Variants in MFSD11 observed in about 807,000 individuals in gnomAD.
MFSD11 encodes UNC93-like protein MFSD11.
In MFSD11, 36 loss-of-function variants were observed where a neutral mutation model predicts 53.5. The ratio of observed to expected loss-of-function variants is 0.67; its 90% CI spans 0.52 to 0.89. The LOEUF (loss-of-function observed/expected upper bound fraction) is 0.89. Among genes scored for constraint, MFSD11 ranks in the 40% least tolerant of loss-of-function variants. The pLI, the probability that MFSD11 is intolerant of heterozygous loss-of-function variation, is 0.00. For synonymous variants in MFSD11, 186 were observed against 184.9 expected (o/e 1.01, Z -0.05); for missense variants, 530 against 543.9 (o/e 0.97, Z 0.25).
At position 76,750,179 on chromosome 17, in the gene MFSD11, A is replaced by C. The variant is rs369036171; in HGVS notation, c.642-3868A>C. On this transcript the variant is annotated intron_variant, in intron 7 of 12. Coordinates refer to ENST00000685175, the MANE Select transcript of MFSD11 (RefSeq NM_001242532.5). ...TTTAGTCGTCTGTAGAGTATAAATCAGTTAATTGGGGCCTGAAGGGTAAAA... is the reference window on the plus strand; with the variant it reads ...TTTAGTCGTCTGTAGAGTATAAATCCGTTAATTGGGGCCTGAAGGGTAAAA... 3.4e-4 allele frequency among the ~76,000 whole-genome samples: 52 copies of C among 152,186 alleles called. No homozygotes were observed. In the South Asian group the frequency reaches 0.011, roughly 31 times the overall value.
At chr17:76,743,279 T>C (rs2078260315) in intron 5 of MFSD11, 119 bp from the exon 6 acceptor site, 2 of 673,842 alleles carry the variant, frequency 3.0e-6, no homozygotes, top group Non-Finnish European at 2.4e-6. Flanking sequence ...GTAGATACTT[T>C]AAAAATGATG....
chr17:76,783,425 C>G (rs368708772), downstream of MFSD11, among the ~76,000 whole-genome samples: 4 of 152,282 alleles, frequency 2.6e-5, no homozygotes, highest in South Asian at 6.2e-4. Context: ...CTCCCCTCCC[C>G]TCCCGAGTTT....
At chr17:76,803,554 C>T in the MFSD11 span, among the ~76,000 whole-genome samples, 2 of 152,094 alleles carry the variant, frequency 1.3e-5, no homozygotes, top group East Asian at 1.9e-4. Flanking sequence ...ACCCTGCACT[C>T]GATGGATCAT....
chr17:76,750,683 G>A (rs1364007445), intron 7 of MFSD11, among the ~76,000 whole-genome samples: 1 of 151,672 alleles, frequency 6.6e-6, no homozygotes, highest in African/African-American at 2.4e-5. Context: ...TAACTTAATT[G>A]GATCACCATT....
intron 7 of MFSD11, among the ~76,000 whole-genome samples, chr17:76,747,470 G>T (rs2144269219): frequency 6.6e-6 from 1 of 152,208 alleles, no homozygotes; most frequent in Middle Eastern, 3.4e-3. Flanking sequence ...GAGTAGCTGG[G>T]ACTACAGGCA....
chr17:76,762,840 A>C (rs1032341079), intron 8 of MFSD11, among the ~76,000 whole-genome samples: 4 of 152,114 alleles, frequency 2.6e-5, no homozygotes, highest in Non-Finnish European at 4.4e-5. Flanking sequence ...CCACAAGAGT[A>C]AACAAGCTAT....
chr17:76,753,660 C>T (rs1215288243), intron 7 of MFSD11, among the ~76,000 whole-genome samples: 2 of 145,562 alleles, frequency 1.4e-5, no homozygotes, highest in Non-Finnish European at 3.0e-5. Context: ...AGCACTCCAG[C>T]CTGGGAGGTG....
upstream of MFSD11, chr17:76,738,073 C>T (rs1324196399): frequency 4.5e-6 from 2 of 446,058 alleles, no homozygotes; most frequent in Non-Finnish European, 7.9e-6. Context: ...CCTTCGTGGG[C>T]CCCTCAACCT....
At chr17:76,752,397 ATTTTTTTT>A (rs201402482) in intron 7 of MFSD11, among the ~76,000 whole-genome samples, 2 of 138,542 alleles carry the variant, frequency 1.4e-5, no homozygotes, top group South Asian at 4.7e-4. Flanking sequence ...AAAGTCAGGG[ATTTTTTTT>A]TTTTTTTTTG....
At chr17:76,769,693 T>A (rs2081211909) in intron 9 of MFSD11, 53 bp from the exon 10 acceptor site, 2 of 1,465,358 alleles carry the variant, frequency 1.4e-6, no homozygotes, top group Non-Finnish European at 9.3e-7. Flanking sequence ...GATGGGAAGA[T>A]AAACAAAAAT....
the MFSD11 span, among the ~76,000 whole-genome samples, chr17:76,798,825 C>G: frequency 1.3e-5 from 2 of 151,660 alleles, no homozygotes; most frequent in Middle Eastern, 3.4e-3. Context: ...GTCAGGAGTT[C>G]GAGACCAGCC....
chr17:76,744,907 A>C (rs2078404187), intron 7 of MFSD11, among the ~76,000 whole-genome samples: 4 of 152,198 alleles, frequency 2.6e-5, no homozygotes, highest in Admixed American at 2.0e-4. Flanking sequence ...GTCACAGATG[A>C]ACCTTGGTTA....
chr17:76,736,670 G>A (rs2077507432), upstream of MFSD11: 2 of 1,220,712 alleles, frequency 1.6e-6, no homozygotes, highest in Non-Finnish European at 2.1e-6. Context: ...CCGGAGGGTC[G>A]CGAGACGCGG....
chr17:76,779,659 A>G (rs988082531), downstream of MFSD11, among the ~76,000 whole-genome samples: 1 of 151,896 alleles, frequency 6.6e-6, no homozygotes, highest in African/African-American at 2.4e-5. Flanking sequence ...TAATTTTTGT[A>G]TTTTTAGTAG....
At chr17:76,766,881 T>C (rs2080897917) in intron 8 of MFSD11, 1 of 152,942 alleles carries the variant, frequency 6.5e-6, no homozygotes, top group Admixed American at 6.5e-5. Flanking sequence ...TAGAAACAAA[T>C]ATGCACAATG....
At chr17:76,788,987 T>G in the MFSD11 span, among the ~76,000 whole-genome samples, 1 of 148,096 alleles carries the variant, frequency 6.8e-6, no homozygotes, top group Non-Finnish European at 1.5e-5. Flanking sequence ...ACTAAAAATA[T>G]AAAAATTAGC....
intron 3 of MFSD11, among the ~76,000 whole-genome samples, chr17:76,741,441 C>CT (rs1036227387): frequency 6.6e-6 from 1 of 152,114 alleles, no homozygotes; most frequent in African/African-American, 2.4e-5. Flanking sequence ...GCAAAGAACA[C>CT]TGCAAACCTG....
intron 12 of MFSD11, 92 bp from the exon 13 acceptor site, chr17:76,778,096 C>T (rs896434560): frequency 1.5e-6 from 2 of 1,291,422 alleles, no homozygotes; most frequent in Non-Finnish European, 1.1e-6. Context: ...TTCCAGGTGT[C>T]CTTGGGGCAG....
the MFSD11 span, among the ~76,000 whole-genome samples, chr17:76,790,135 G>T: frequency 7.0e-6 from 1 of 142,836 alleles, no homozygotes; most frequent in East Asian, 2.0e-4. Flanking sequence ...AGGCTAGAGT[G>T]CAGTGGCGTG....
Sources: allele counts gnomAD v4.1 joint callset (sites outside exome capture counted in the v4.1 genomes callset), GRCh38; gene constraint gnomAD v4.1.1; transcripts MANE v1.5; gene names NCBI Gene and HGNC (gene_info 2026-07-23, HGNC 2026-07-21).